The following EXD3 variants were observed in gnomAD, a reference collection of about 807,000 sequenced individuals.
The protein encoded by EXD3 is exonuclease mut-7 homolog.
In EXD3, 92 loss-of-function variants were observed where a neutral mutation model predicts 98.0. That is an observed-to-expected ratio of 0.94 (90% CI 0.79 to 1.12). EXD3 has a LOEUF of 1.12. Among genes scored for constraint, EXD3 ranks in the 50% most tolerant of loss-of-function variants. EXD3 has a pLI of 0.00. For missense variants in EXD3, 1,222 were observed against 1,191.6 expected (o/e 1.03, Z -0.38); for synonymous variants, 569 against 526.0 (o/e 1.08, Z -1.12).
At chr9:137,375,131 C>G (rs1213660999) in intron 3 of EXD3, among the ~76,000 whole-genome samples, 2 of 152,170 alleles carry the variant, frequency 1.3e-5, no homozygotes, top group African/African-American at 4.8e-5. Context: ...GCCTCAGCCT[C>G]CCGTGTAGCT....
chr9:137,367,830 C>G lies in EXD3; in HGVS notation c.516+106G>C, dbSNP rs558000984. 7.9e-5 allele frequency: 88 copies of G among 1,111,956 alleles called. No individual in the cohort carries two copies. In the African/African-American group the frequency reaches 1.2e-3, roughly 15 times the overall value. The allele number at this position is 1,111,956 out of a possible 1,614,324, so 68.9% of individuals were successfully genotyped here. On this transcript the variant is annotated intron_variant, in intron 6 of 21. Coordinates refer to ENST00000340951, the MANE Select transcript of EXD3 (RefSeq NM_017820.5). ...CCGGCCCCCGATGGCCCTGCTGTCC[C>G]CCACTGTGGCTTGGTGGACTCCCGA...
chr9:137,332,624 A>AT (rs1034243768), intron 17 of EXD3, among the ~76,000 whole-genome samples: 13 of 152,086 alleles, frequency 8.5e-5, no homozygotes, highest in Non-Finnish European at 1.9e-4. Flanking sequence ...CGGGCAGATC[A>AT]CAAGGTCAGG....
intron 19 of EXD3, among the ~76,000 whole-genome samples, chr9:137,314,838 G>A (rs1288818378): frequency 6.6e-6 from 1 of 152,176 alleles, no homozygotes; most frequent in Non-Finnish European, 1.5e-5. Flanking sequence ...GTGTGGGAGA[G>A]GAGTGAAAGG....
intron 19 of EXD3, among the ~76,000 whole-genome samples, chr9:137,314,423 G>A (rs1204719843): frequency 1.3e-5 from 2 of 152,172 alleles, no homozygotes; most frequent in African/African-American, 4.8e-5. Context: ...TGGCCCCTGG[G>A]GAGGTGTGTG....
At position 137,347,036 on chromosome 9, in the gene EXD3, G is replaced by C. The variant is rs1382205900; in HGVS notation, c.1998+1035C>G. On this transcript the variant is annotated intron_variant, in intron 17 of 21. Coordinates refer to ENST00000340951, the MANE Select transcript of EXD3 (RefSeq NM_017820.5). The surrounding 1 kb of genome is among the most constrained non-coding windows in gnomAD (Gnocchi z 4.2). ...TCACCATCTTGGCCAGGCTGGTCTTGAACCCCTGACCTTGTGATCCACCCG... is the reference window on the plus strand; with the variant it reads ...TCACCATCTTGGCCAGGCTGGTCTTCAACCCCTGACCTTGTGATCCACCCG... 1.3e-5 allele frequency among the ~76,000 whole-genome samples: 2 copies of C among 152,112 alleles called. No homozygotes were observed. Among genetic ancestry groups the C allele is most frequent in the African/African-American group, 4.8e-5 (2 of 41,424 alleles).
chr9:137,400,098 C>T (rs992355905), intron 1 of EXD3, among the ~76,000 whole-genome samples: 2 of 151,556 alleles, frequency 1.3e-5, no homozygotes, highest in African/African-American at 4.8e-5. Flanking sequence ...CCCGTCAGAT[C>T]TCATGAGACT....
chr9:137,310,589 AGGGAGGCC>A (rs945185207), intron 19 of EXD3, among the ~76,000 whole-genome samples: 115 of 152,258 alleles, frequency 7.6e-4, no homozygotes, highest in African/African-American at 2.4e-3. Flanking sequence ...GGGTGGGGGC[AGGGAGGCC>A]GGGAGGCTAG....
intron 17 of EXD3, among the ~76,000 whole-genome samples, chr9:137,333,637 C>T (rs982461899): frequency 6.6e-5 from 10 of 152,088 alleles, no homozygotes; most frequent in Admixed American, 3.9e-4. Flanking sequence ...AAGTGCGTAG[C>T]GCGTCCCCTC....
chr9:137,374,102 G>A (rs1835778376), intron 3 of EXD3, among the ~76,000 whole-genome samples: 1 of 152,288 alleles, frequency 6.6e-6, no homozygotes, highest in African/African-American at 2.4e-5. Context: ...CTGGCTTCCG[G>A]AAGATTCTAC....
Position 137,383,379 on chromosome 9 carries a change from T to C in EXD3, c.56-2A>G. 1 of 1,544,054 alleles carries C rather than the reference T, an allele frequency of 6.5e-7. No homozygotes were observed. The highest frequency in any genetic ancestry group is 8.8e-7 in the Non-Finnish European group (1 of 1,142,542). On this transcript the variant is annotated splice_acceptor_variant, in intron 2 of 21. Coordinates refer to ENST00000340951, the MANE Select transcript of EXD3 (RefSeq NM_017820.5). LOFTEE classifies it high-confidence loss of function. ...GCAGGAGCAGGAGGGGGTCCCGGCC[T>C]GTGGAGATAAGATAACAGCCGTGGG...
intron 2 of EXD3, among the ~76,000 whole-genome samples, chr9:137,388,614 C>T (rs1272738482): frequency 2.0e-5 from 3 of 151,980 alleles, no homozygotes; most frequent in Admixed American, 1.3e-4. Context: ...ACCCCAGCAG[C>T]GGGCGCCAGG....
Position 137,352,739 on chromosome 9 carries a change from C to G in EXD3, c.918G>C (p.Leu306=). The G allele has an allele frequency of 6.3e-7, 1 of 1,575,326 alleles. No homozygotes were observed. Among genetic ancestry groups the G allele is most frequent in the Admixed American group, 1.9e-5 (1 of 53,218 alleles). Residue 306 remains leucine (L), a synonymous_variant, in exon 11 of 22, where the codon CTG becomes CTC. Coordinates refer to ENST00000340951, the MANE Select transcript of EXD3 (RefSeq NM_017820.5). The stretch of plus-strand genomic sequence containing the variant: ...TGACTGGGTCACTGTGGGAGACCAG[C>G]AGCTGAGACAGCTGCTCCTGAAGCC... ...SPWLQEQLSQ[L]LVSHSDPVTA...
rs184337395 is a variant in EXD3 at position 137,419,941 on chromosome 9, C to T, written c.-48+3173G>A. On this transcript the variant is annotated intron_variant, in intron 1 of 21. Transcript: ENST00000340951. ...TTGGGAGGCCAAGGCGGGCGGATCACGAGGTCAGGAGATCGAGACCATCCT... is the reference window on the plus strand; with the variant it reads ...TTGGGAGGCCAAGGCGGGCGGATCATGAGGTCAGGAGATCGAGACCATCCT... Among the ~76,000 whole-genome samples, 1,477 of 152,188 alleles carry T rather than the reference C, an allele frequency of 9.7e-3. 15 individuals are homozygous for T. The highest frequency in any genetic ancestry group is 0.033 in the African/African-American group (1,360 of 41,520).
At chr9:137,379,230 C>T (rs368248763) in intron 3 of EXD3, among the ~76,000 whole-genome samples, 52 of 538 alleles carry the variant, frequency 0.097, no homozygotes, top group African/African-American at 0.13. Flanking sequence ...TGACGGTGAC[C>T]GTTGCCTGGG....
intron 3 of EXD3, chr9:137,374,739 G>A: frequency 1.0e-6 from 1 of 985,478 alleles, no homozygotes; most frequent in Non-Finnish European, 1.2e-6. Flanking sequence ...CAGGGTGAAA[G>A]GCAGCTTCTC....
At chr9:137,328,641 G>A (rs79097974) in intron 17 of EXD3, among the ~76,000 whole-genome samples, 1,646 of 21,382 alleles carry the variant, frequency 0.077, 79 homozygotes, top group African/African-American at 0.23. Flanking sequence ...ACTACACGGG[G>A]CTACACGGGA....
At position 137,371,142 on chromosome 9, in the gene EXD3, A is replaced by G. The variant is rs375023724; in HGVS notation, c.462+1763T>C. Among the ~76,000 whole-genome samples, 3 of 152,154 alleles carry G rather than the reference A, an allele frequency of 2.0e-5. No individual in the cohort carries two copies. The highest frequency in any genetic ancestry group is 2.0e-4 in the Admixed American group (3 of 15,282). ...CTGCCTCGGAGCGCGAGGGAGGCGC[A>G]TTCAGCCGGCCCCAGACAGTCTTTG... On this transcript the variant is annotated intron_variant, in intron 5 of 21. Coordinates refer to ENST00000340951, the MANE Select transcript of EXD3 (RefSeq NM_017820.5). The surrounding 1 kb of genome is among the most constrained non-coding windows in gnomAD (Gnocchi z 8.0).
At chr9:137,328,631 A>AG (rs1444096046) in intron 17 of EXD3, among the ~76,000 whole-genome samples, 18 of 45,362 alleles carry the variant, frequency 4.0e-4, no homozygotes, top group African/African-American at 1.4e-3. Flanking sequence ...ACTACACGGG[A>AG]CTACACGGGG....
At chr9:137,382,315 G>A (rs1836355107) in intron 3 of EXD3, among the ~76,000 whole-genome samples, 1 of 151,934 alleles carries the variant, frequency 6.6e-6, no homozygotes, top group Non-Finnish European at 1.5e-5. Context: ...GCTGCTCCAA[G>A]GAGACGCCAG....
Sources: allele counts gnomAD v4.1 joint callset (sites outside exome capture counted in the v4.1 genomes callset), GRCh38; gene constraint gnomAD v4.1.1; non-coding constraint Gnocchi (gnomAD v3.1); transcripts MANE v1.5; gene names NCBI Gene and HGNC (gene_info 2026-07-23, HGNC 2026-07-21).